The following LRP1B variants were observed in gnomAD, a reference collection of about 807,000 sequenced individuals.
LRP1B encodes the protein low-density lipoprotein receptor-related protein 1B.
Under a neutral mutation model 556.6 loss-of-function variants are expected in LRP1B, and 217 were observed. The observed-to-expected ratio is 0.39, with a 90% CI of 0.35 to 0.44. The LOEUF (loss-of-function observed/expected upper bound fraction) is 0.44, where lower values mean the gene tolerates loss of function less well. Ranked by LOEUF, LRP1B falls within the 20% of genes least tolerant of loss-of-function variation. The pLI, the probability that LRP1B is intolerant of heterozygous loss-of-function variation, is 1.00. For synonymous variants in LRP1B, 2,047 were observed against 1,865.8 expected, an observed-to-expected ratio of 1.10 and a Z score of -2.50; for missense variants, 5,053 against 5,620.8, an observed-to-expected ratio of 0.90 and a Z score of 3.23.
At chr2:141,246,310 T>C (rs572525876) in intron 5 of LRP1B, among the ~76,000 whole-genome samples, 78 of 152,194 alleles carry the variant, frequency 5.1e-4, no homozygotes, top group African/African-American at 1.9e-3. Flanking sequence ...AAAGGCAACA[T>C]GGTTGAAGAA....
chr2:142,025,606 C>T (rs1703476768), intron 1 of LRP1B, among the ~76,000 whole-genome samples: 1 of 152,080 alleles, frequency 6.6e-6, no homozygotes, highest in Admixed American at 6.6e-5. Flanking sequence ...CAGAGGATCT[C>T]AAAAAGCTTT....
At chr2:141,330,364 A>ATTC (rs1687594658) in intron 3 of LRP1B, among the ~76,000 whole-genome samples, 1 of 151,766 alleles carries the variant, frequency 6.6e-6, no homozygotes, top group Non-Finnish European at 1.5e-5. Context: ...ACAACTCATT[A>ATTC]ACCAGAATGA....
At chr2:141,399,488 C>A (rs1690367906) in intron 3 of LRP1B, among the ~76,000 whole-genome samples, 1 of 152,186 alleles carries the variant, frequency 6.6e-6, no homozygotes, top group African/African-American at 2.4e-5. Flanking sequence ...CCCCCAGCGG[C>A]TACATCCCCA....
At chr2:140,957,469 T>C (rs1488026953) in intron 18 of LRP1B, among the ~76,000 whole-genome samples, 1 of 150,482 alleles carries the variant, frequency 6.6e-6, no homozygotes, top group Non-Finnish European at 1.5e-5. Context: ...AGAGAACACC[T>C]AGGAAGTACA....
At position 141,135,005 on chromosome 2, in the gene LRP1B, A is replaced by C. The variant is rs139381999; in HGVS notation, c.1013+53416T>G. ...ATTAAAATACAAGTATTGTCACTAC[A>C]TGCATTCAATATGCATGTGATGCTT... On this transcript the variant is annotated intron_variant, in intron 7 of 90. Transcript: ENST00000389484. 7.4e-3 allele frequency among the ~76,000 whole-genome samples: 1,132 copies of C among 151,956 alleles called. 8 individuals carry two copies. The highest frequency in any genetic ancestry group is 0.014 in the Middle Eastern group (4 of 292).
intron 1 of LRP1B, among the ~76,000 whole-genome samples, chr2:142,043,176 G>C (rs1704122177): frequency 6.6e-6 from 1 of 151,500 alleles, no homozygotes; most frequent in African/African-American, 2.4e-5. Flanking sequence ...TAGCTACACA[G>C]TGAATAAAAC....
At chr2:140,449,809 A>G (rs1686812646) in intron 63 of LRP1B, among the ~76,000 whole-genome samples, 1 of 152,204 alleles carries the variant, frequency 6.6e-6, no homozygotes. Flanking sequence ...CTCAATTGTC[A>G]AGGCCAAATT....
At chr2:140,384,537 G>A (rs1683675947) in intron 67 of LRP1B, among the ~76,000 whole-genome samples, 1 of 152,072 alleles carries the variant, frequency 6.6e-6, no homozygotes, top group African/African-American at 2.4e-5. Context: ...ATGTAAAGAG[G>A]GAGTTATAAA....
At chr2:141,247,716 C>T (rs539037763) in intron 4 of LRP1B, among the ~76,000 whole-genome samples, 86 of 152,122 alleles carry the variant, frequency 5.7e-4, no homozygotes, top group East Asian at 7.8e-4. Context: ...ACAAAGAATT[C>T]GACTAGTAAC....
rs34488899 is a variant in LRP1B, at chr2:140,868,265, TAA to T, written c.4170-4_4170-3del. The T allele has an allele frequency of 0.034, 43,103 of 1,263,408 alleles. 1 individual carries two copies. The highest frequency in any genetic ancestry group is 0.041 in the Admixed American group (1,380 of 33,592). The allele number at this position is 1,263,408 out of a possible 1,614,324, so 78.3% of individuals were successfully genotyped here. On this transcript the variant is annotated splice_polypyrimidine_tract_variant and splice_region_variant and intron_variant, in intron 25 of 90. Transcript: ENST00000389484. ...TCCCAGTCTGTCCAGAAAAGAATTC[TAA>T]AAAAAAAAAAAAAAAAAGAAATAAT...
intron 3 of LRP1B, among the ~76,000 whole-genome samples, chr2:141,366,812 T>A (rs999040953): frequency 6.6e-6 from 1 of 152,214 alleles, no homozygotes; most frequent in African/African-American, 2.4e-5. Context: ...GGATCCTAGT[T>A]CACTAGGTGA....
intron 2 of LRP1B, among the ~76,000 whole-genome samples, chr2:141,486,904 A>C (rs1029439815): frequency 3.9e-5 from 6 of 152,152 alleles, no homozygotes; most frequent in Non-Finnish European, 1.5e-5. Context: ...TTTCTGCCGA[A>C]CTTCTCTCCA....
chr2:141,612,969 A>T (rs1559176685), intron 2 of LRP1B, among the ~76,000 whole-genome samples: 1 of 144,418 alleles, frequency 6.9e-6, no homozygotes, highest in Non-Finnish European at 1.5e-5. Flanking sequence ...CACCCAGCTA[A>T]TTTTTTTTTT....
intron 2 of LRP1B, among the ~76,000 whole-genome samples, chr2:141,578,880 C>G (rs554773949): frequency 6.6e-6 from 1 of 152,100 alleles, no homozygotes; most frequent in Middle Eastern, 3.2e-3. Flanking sequence ...TTCTATAATT[C>G]CCAGGGCAAC....
chr2:140,771,836 T>C (rs1689322758), intron 33 of LRP1B, among the ~76,000 whole-genome samples: 2 of 152,246 alleles, frequency 1.3e-5, no homozygotes, highest in South Asian at 2.1e-4. Context: ...AGCACTGATA[T>C]GAAGTGTAAC....
chr2:140,786,106 A>G (rs1459968185), intron 32 of LRP1B, among the ~76,000 whole-genome samples: 1 of 152,084 alleles, frequency 6.6e-6, no homozygotes, highest in East Asian at 1.9e-4. Flanking sequence ...AAACTCTCCA[A>G]TGGCTTCCCC....
At chr2:140,818,796 G>A (rs1240380941) in intron 31 of LRP1B, among the ~76,000 whole-genome samples, 1 of 152,014 alleles carries the variant, frequency 6.6e-6, no homozygotes, top group African/African-American at 2.4e-5. Context: ...AATTATCCAG[G>A]TGTGGTGTCA....
chr2:142,074,010 G>C (rs1284332863), intron 1 of LRP1B, among the ~76,000 whole-genome samples: 1 of 151,916 alleles, frequency 6.6e-6, no homozygotes, highest in Non-Finnish European at 1.5e-5. Flanking sequence ...CCAGTCTCAG[G>C]TATTTCTTTA....
At chr2:142,089,194 A>C (rs1454906420) in intron 1 of LRP1B, among the ~76,000 whole-genome samples, 1 of 143,914 alleles carries the variant, frequency 6.9e-6, no homozygotes, top group Non-Finnish European at 1.5e-5. Context: ...AATGATAGTT[A>C]TTCAATCAAT....
Sources: gnomAD v4.1 joint callset for allele counts (sites outside exome capture counted in the v4.1 genomes callset) on GRCh38, gnomAD v4.1.1 for gene constraint, MANE v1.5 for transcripts, NCBI Gene and HGNC (gene_info 2026-07-23, HGNC 2026-07-21) for gene names.